Variants in CKAP2L observed in about 807,000 individuals in gnomAD.
The protein encoded by CKAP2L is cytoskeleton-associated protein 2-like.
A neutral mutation model predicts 65.7 loss-of-function variants in CKAP2L; 42 were observed. The ratio of observed to expected loss-of-function variants is 0.64; its 90% CI spans 0.50 to 0.83. CKAP2L has a LOEUF of 0.83. CKAP2L is among the 40% of genes least tolerant of loss of function. The pLI is 0.00. For synonymous variants in CKAP2L, 325 were observed against 313.5 expected (o/e 1.04, Z -0.39); for missense variants, 908 against 871.0 (o/e 1.04, Z -0.53).
intron 7 of CKAP2L, 110 bp from the exon 8 acceptor site, chr2:112,741,117 T>A: frequency 1.3e-6 from 1 of 743,304 alleles, no homozygotes; most frequent in East Asian, 2.5e-5. Context: ...GTGATCTTCA[T>A]GGGCTCCACA....
chr2:112,764,257 C>T, intron 1 of CKAP2L: 1 of 463,074 alleles, frequency 2.2e-6, no homozygotes, highest in Non-Finnish European at 3.9e-6. Context: ...GGTGAAAACC[C>T]GAGCAAGGGG....
At chr2:112,744,168 A>G (rs1394388702) in intron 6 of CKAP2L, among the ~76,000 whole-genome samples, 1 of 151,964 alleles carries the variant, frequency 6.6e-6, no homozygotes, top group African/African-American at 2.4e-5. Context: ...ATGATGGTGG[A>G]TTAAATATAC....
intron 6 of CKAP2L, among the ~76,000 whole-genome samples, chr2:112,745,303 A>G (rs1170482025): frequency 1.3e-5 from 2 of 152,238 alleles, no homozygotes; most frequent in African/African-American, 2.4e-5. Context: ...AAACAAGACA[A>G]TAACTCCAGG....
In CKAP2L at chr2:112,746,404, C is replaced by G; in HGVS notation, c.1758+16G>C. ...AGAGAATTTTAAGAAGTTACCCACC[C>G]AAGACAGATACTCACTGTTGCCCCA... On this transcript the variant is annotated intron_variant, in intron 6 of 8. Coordinates refer to ENST00000302450, the MANE Select transcript of CKAP2L (RefSeq NM_152515.5). 5 of 1,597,616 alleles carry G rather than the reference C, an allele frequency of 3.1e-6. No individual in the cohort carries two copies. Among genetic ancestry groups the G allele is most frequent in the Non-Finnish European group, 4.3e-6 (5 of 1,168,684 alleles).
chr2:112,749,811 TGCTGGG>T (rs1680311737), intron 5 of CKAP2L, among the ~76,000 whole-genome samples: 1 of 152,206 alleles, frequency 6.6e-6, no homozygotes, highest in African/African-American at 2.4e-5. Context: ...TAAAACTTTC[TGCTGGG>T]CAGCAGCTCC....
At position 112,756,036 on chromosome 2, in the gene CKAP2L, G is replaced by T. The variant is rs201537641; in HGVS notation, c.1335C>A (p.Thr445=). The change falls in exon 4 of 9, where the codon ACC becomes ACA. Residue 445 remains threonine (T), a synonymous_variant. Coordinates refer to ENST00000302450, the MANE Select transcript of CKAP2L (RefSeq NM_152515.5). ...TTGGGTTTGTTTGGGTCCCATTTAC[G>T]GTTGTGACATCAGCTTGAGTTTTGG... is the stretch of plus-strand genomic sequence containing the variant. ...TAPKTQADVT[T]VNGTQTNPNI... is the part of the protein sequence containing the mutation. 8.7e-6 allele frequency: 14 copies of T among 1,611,954 alleles called. No homozygotes were observed. Among genetic ancestry groups the T allele is most frequent in the Non-Finnish European group, 5.1e-6 (6 of 1,179,476 alleles).
intron 4 of CKAP2L, among the ~76,000 whole-genome samples, 175 bp from the exon 5 acceptor site, chr2:112,752,649 C>T (rs1381176412): frequency 1.3e-5 from 2 of 151,912 alleles, no homozygotes; most frequent in Non-Finnish European, 2.9e-5. Flanking sequence ...TGGGTTGCGC[C>T]CACCCACGAG....
At chr2:112,750,235 T>C (rs1283930112) in intron 5 of CKAP2L, among the ~76,000 whole-genome samples, 1 of 152,246 alleles carries the variant, frequency 6.6e-6, no homozygotes, top group Admixed American at 6.5e-5. Context: ...CTCAGGTTCC[T>C]GTGTGCTGTC....
chr2:112,759,136 T>C (rs1201715459), intron 3 of CKAP2L, among the ~76,000 whole-genome samples: 1 of 152,236 alleles, frequency 6.6e-6, no homozygotes, highest in East Asian at 1.9e-4. Context: ...ACAGCAAAAT[T>C]AATAATAGTA....
chr2:112,751,986 G>A (rs1162337259), intron 5 of CKAP2L, among the ~76,000 whole-genome samples: 4 of 152,136 alleles, frequency 2.6e-5, no homozygotes, highest in Admixed American at 2.6e-4. Flanking sequence ...GTTTGGATTA[G>A]TTTTCCAACT....
At chr2:112,762,620 AC>A in intron 1 of CKAP2L, 51 bp from the exon 2 acceptor site, 2 of 1,427,318 alleles carry the variant, frequency 1.4e-6, no homozygotes, top group Non-Finnish European at 9.9e-7. Context: ...CAAGATTTTA[AC>A]CAGTTCATTA....
Position 112,755,997 on chromosome 2 carries a change from C to T in CKAP2L, c.1374G>A (p.Lys458=), listed in dbSNP as rs778762779. Residue 458 remains lysine (K), a synonymous_variant, in exon 4 of 9, where the codon AAG becomes AAA. Coordinates refer to ENST00000302450, the MANE Select transcript of CKAP2L (RefSeq NM_152515.5). ...AGTACCTTCGATCCTCTGCTGTTGC[C>T]TTCTTTTTAATATTTGGGTTTGTTT... ...GTQTNPNIKK[K]ATAEDRRKQL... 3 of 1,587,112 alleles carry T rather than the reference C, an allele frequency of 1.9e-6. No homozygotes were observed. Among genetic ancestry groups the T allele is most frequent in the African/African-American group, 2.7e-5 (2 of 73,192 alleles).
In CKAP2L at chr2:112,756,360, G is replaced by A. The variant is rs1265049584; in HGVS notation, c.1011C>T (p.Pro337=). ...RVKHTKPRTY[P]SLLQGEYNNR... Reference sequence around the variant, plus strand: ...TGTTATATTCACCCTGAAGCAAACTGGGGTATGTTCTGGGTTTGGTGTGCT... The same window carrying A: ...TGTTATATTCACCCTGAAGCAAACTAGGGTATGTTCTGGGTTTGGTGTGCT... Residue 337 remains proline (P), a synonymous_variant, in exon 4 of 9, where the codon CCC becomes CCT. Transcript: ENST00000302450. 2.5e-6 allele frequency: 4 copies of A among 1,613,700 alleles called. No homozygotes were observed. The highest frequency in any genetic ancestry group is 1.1e-5 in the South Asian group (1 of 90,994).
chr2:112,752,061 ATAATCT>A (rs1680386567), intron 5 of CKAP2L, among the ~76,000 whole-genome samples, 200 bp downstream of exon 5: 1 of 152,216 alleles, frequency 6.6e-6, no homozygotes, highest in Non-Finnish European at 1.5e-5. Context: ...ATTATGTGAG[ATAATCT>A]TAGCTAAGTG....
At chr2:112,741,933 C>G (rs1049802135) in intron 7 of CKAP2L, among the ~76,000 whole-genome samples, 1 of 112,540 alleles carries the variant, frequency 8.9e-6, no homozygotes, top group African/African-American at 3.3e-5. Context: ...GCTAATTTTT[C>G]TTTTCTGTTT....
Position 112,736,485 on chromosome 2 carries a change from G to C in CKAP2L, c.*2338C>G, listed in dbSNP as rs187172850. On this transcript the variant is annotated 3_prime_UTR_variant, in exon 9 of 9. Transcript: ENST00000302450. ...TCTCAGTTTTTTTGTGATAATAGCA[G>C]CTAAAATCTACTTATTTAACAAAAA... The C allele has an allele frequency of 2.9e-4, 44 of 152,228 alleles. No individual in the cohort carries two copies. Among genetic ancestry groups the C allele is most frequent in the African/African-American group, 9.2e-4 (38 of 41,520 alleles). 9.4% of individuals were successfully genotyped at this position (152,228 alleles called of 1,614,324 possible). A position where few individuals can be genotyped will look rare whatever the true frequency, so the allele number is the denominator to read the frequency against.
At chr2:112,762,146 G>A (rs1206636104) in intron 2 of CKAP2L, among the ~76,000 whole-genome samples, 1 of 152,162 alleles carries the variant, frequency 6.6e-6, no homozygotes, top group Non-Finnish European at 1.5e-5. Flanking sequence ...AGCAAGAAAT[G>A]CCAGAACCAT....
At position 112,756,362 on chromosome 2, in the gene CKAP2L, G is replaced by C. The variant is rs1302551728; in HGVS notation, c.1009C>G (p.Pro337Ala). 7.4e-6 allele frequency: 12 copies of C among 1,613,536 alleles called. No individual in the cohort carries two copies. The highest frequency in any genetic ancestry group is 1.3e-5 in the African/African-American group (1 of 74,884). The change falls in exon 4 of 9, where the codon CCC (proline) becomes GCC (alanine). Residue 337 changes from proline (P) to alanine (A), a missense_variant. Transcript: ENST00000302450. The stretch of plus-strand genomic sequence containing the variant: ...TTATATTCACCCTGAAGCAAACTGG[G>C]GTATGTTCTGGGTTTGGTGTGCTTC... ...RVKHTKPRTY[P>A]SLLQGEYNNR...
chr2:112,743,714 A>G (rs1176847058), intron 6 of CKAP2L, among the ~76,000 whole-genome samples: 2 of 152,214 alleles, frequency 1.3e-5, no homozygotes, highest in Non-Finnish European at 2.9e-5. Flanking sequence ...CTGAGATTAC[A>G]GGGGTAAGCC....
Sources: gnomAD v4.1 joint callset for allele counts (sites outside exome capture counted in the v4.1 genomes callset) on GRCh38, gnomAD v4.1.1 for gene constraint, MANE v1.5 for transcripts, NCBI Gene and HGNC (gene_info 2026-07-23, HGNC 2026-07-21) for gene names.